The following SMS variants were observed in gnomAD, a reference collection of about 807,000 sequenced individuals.
The protein encoded by SMS is spermidine aminopropyltransferase.
In SMS, 3 loss-of-function variants were observed where a neutral mutation model predicts 33.0. The observed-to-expected ratio is 0.09, with a 90% CI of 0.04 to 0.23. SMS has a LOEUF of 0.23. Ranked by LOEUF, SMS falls within the 10% of genes least tolerant of loss-of-function variation. SMS has a pLI of 1.00. For synonymous variants in SMS, 103 were observed against 112.2 expected (o/e 0.92, Z 0.52); for missense variants, 117 against 288.6 (o/e 0.41, Z 4.31).
At chrX:21,951,367 T>C (rs939571731) in intron 1 of SMS, among the ~76,000 whole-genome samples, 2 of 112,387 alleles carry the variant, frequency 1.8e-5, no homozygotes, top group African/African-American at 6.5e-5. Context: ...ATTGCAAAAA[T>C]GTTCTCCCAT....
intron 2 of SMS, among the ~76,000 whole-genome samples, chrX:21,970,354 A>G (rs1924046178): frequency 9.1e-6 from 1 of 110,405 alleles, no homozygotes; most frequent in Non-Finnish European, 1.9e-5. Flanking sequence ...ACTGCCTTCT[A>G]GCATTCTCTG....
intron 1 of SMS, among the ~76,000 whole-genome samples, chrX:21,945,608 T>C (rs983042735): frequency 3.8e-5 from 4 of 104,930 alleles, no homozygotes; most frequent in Non-Finnish European, 7.7e-5. Context: ...CACCGTGTGG[T>C]ATGGTAACAT....
At chrX:21,985,359 C>T (rs2146954187) in intron 9 of SMS, 136 bp downstream of exon 9, 2 of 451,053 alleles carry the variant, frequency 4.4e-6, no homozygotes, top group East Asian at 8.7e-5. Flanking sequence ...AAACAGTAAG[C>T]TTCTACGTTG....
chrX:21,971,313 A>G (rs1466862063), intron 2 of SMS, among the ~76,000 whole-genome samples: 1 of 111,894 alleles, frequency 8.9e-6, no homozygotes, highest in African/African-American at 3.3e-5. Flanking sequence ...CTGGTCAGAA[A>G]ATTTTGTGTA....
rs778443146 is a variant in SMS at position 21,975,800 on chromosome X, C to G, written c.330-1261C>G. Among the ~76,000 whole-genome samples the G allele has an allele frequency of 3.1e-4, 34 of 110,371 alleles. No individual in the cohort carries two copies. In the Middle Eastern group the frequency reaches 0.019, roughly 60 times the overall value. On this transcript the variant is annotated intron_variant, in intron 4 of 10. Transcript: ENST00000404933. ...GGTGTTCTTTATAGATGTTAGTATT[C>G]CCTCATAGAAAGCCTTGTTAACTTG...
chrX:21,941,246 C>T (rs1252764250), intron 1 of SMS: 1 of 123,453 alleles, frequency 8.1e-6, no homozygotes, highest in African/African-American at 3.2e-5. Flanking sequence ...GGGCGGACCC[C>T]CCATGGGACG....
chrX:21,961,589 G>A (rs186492510), intron 1 of SMS, among the ~76,000 whole-genome samples: 147 of 110,891 alleles, frequency 1.3e-3, no homozygotes, highest in East Asian at 0.012. Flanking sequence ...GCAGGAGGGT[G>A]AAGCTTAGGC....
At chrX:21,966,591 G>T (rs1447569590) in intron 1 of SMS, among the ~76,000 whole-genome samples, 1 of 111,224 alleles carries the variant, frequency 9.0e-6, no homozygotes, top group Non-Finnish European at 1.9e-5. Context: ...AAGCCAGCAG[G>T]TTGTCCCATA....
chrX:21,962,915 A>G (rs752369668), intron 1 of SMS, among the ~76,000 whole-genome samples: 146 of 110,620 alleles, frequency 1.3e-3, no homozygotes, highest in Non-Finnish European at 2.4e-3. Context: ...TTGACCTCCT[A>G]AAGTGTTGGG....
At chrX:21,980,229 C>T (rs1159992946) in intron 7 of SMS, among the ~76,000 whole-genome samples, 2 of 108,486 alleles carry the variant, frequency 1.8e-5, no homozygotes, top group Admixed American at 2.0e-4. Context: ...ATTTAGCAGT[C>T]ATTTTAAATA....
chrX:21,977,564 C>A (rs145442733), intron 5 of SMS, among the ~76,000 whole-genome samples: 212 of 112,119 alleles, frequency 1.9e-3, no homozygotes, highest in African/African-American at 5.7e-3. Flanking sequence ...CATGTACTTA[C>A]CATCGAGTGT....
intron 2 of SMS, 36 bp from the exon 3 acceptor site, chrX:21,971,861 C>A (rs770164424): frequency 2.1e-6 from 2 of 940,301 alleles, no homozygotes; most frequent in Non-Finnish European, 1.5e-6. Flanking sequence ...TGCCCCGATA[C>A]AATTCTTAAG....
chrX:21,993,696 G>T (rs1925905323), intron 10 of SMS, among the ~76,000 whole-genome samples: 1 of 112,467 alleles, frequency 8.9e-6, no homozygotes, highest in Admixed American at 9.4e-5. Context: ...TCCCTCCACA[G>T]CCTGTACAGA....
At chrX:21,961,334 G>A (rs1453552821) in intron 1 of SMS, among the ~76,000 whole-genome samples, 1 of 110,463 alleles carries the variant, frequency 9.1e-6, no homozygotes, top group African/African-American at 3.3e-5. Context: ...TGGGAGGCTT[G>A]GGGGAGCCTG....
chrX:21,967,624 G>A (rs1923832297), intron 2 of SMS, among the ~76,000 whole-genome samples: 1 of 111,838 alleles, frequency 8.9e-6, no homozygotes, highest in Non-Finnish European at 1.9e-5. Context: ...GAAAAGTTTT[G>A]TGGCTTACTC....
chrX:21,993,885 C>T (rs760746929), intron 10 of SMS, among the ~76,000 whole-genome samples: 1 of 109,208 alleles, frequency 9.2e-6, no homozygotes, highest in East Asian at 2.9e-4. Flanking sequence ...CCTCCTCTGA[C>T]CTTTTTTCCC....
intron 4 of SMS, among the ~76,000 whole-genome samples, chrX:21,976,170 G>T (rs192612037): frequency 9.0e-6 from 1 of 110,891 alleles, no homozygotes; most frequent in Non-Finnish European, 1.9e-5. Flanking sequence ...TCATCATTTT[G>T]CAGCCTCTGT....
chrX:21,970,276 C>T (rs1924038302), intron 2 of SMS, among the ~76,000 whole-genome samples: 1 of 111,204 alleles, frequency 9.0e-6, no homozygotes, highest in African/African-American at 3.3e-5. Flanking sequence ...TTCCCTGCCC[C>T]CGGACCCCAG....
At chrX:21,941,102 T>G (rs1433458000) in intron 1 of SMS, 1 of 109,772 alleles carries the variant, frequency 9.1e-6, no homozygotes, top group African/African-American at 3.3e-5. Flanking sequence ...CGGCCGCAGC[T>G]CGGGGCCTGC....
Sources: gnomAD v4.1 joint callset for allele counts (sites outside exome capture counted in the v4.1 genomes callset) on GRCh38, gnomAD v4.1.1 for gene constraint, MANE v1.5 for transcripts, NCBI Gene and HGNC (gene_info 2026-07-23, HGNC 2026-07-21) for gene names.